Variants in BMAL1 observed in about 807,000 individuals in gnomAD.
BMAL1 encodes the protein basic helix-loop-helix ARNT like 1.
the BMAL1 span, among the ~76,000 whole-genome samples, chr11:13,294,505 C>T: frequency 9.2e-3 from 1,401 of 152,310 alleles, 23 homozygotes; most frequent in African/African-American, 0.031. Flanking sequence ...TTTTTCACAA[C>T]CTGGCTTGGA....
chr11:13,384,990 C>T, the BMAL1 span, among the ~76,000 whole-genome samples: 1 of 152,106 alleles, frequency 6.6e-6, no homozygotes, highest in Non-Finnish European at 1.5e-5. Flanking sequence ...AGTTATAATG[C>T]CACCTGCTGG....
the BMAL1 span, among the ~76,000 whole-genome samples, chr11:13,302,944 C>T: frequency 6.6e-6 from 1 of 152,164 alleles, no homozygotes; most frequent in African/African-American, 2.4e-5. Flanking sequence ...TGCCACTGAC[C>T]GTGCTTGGGG....
the BMAL1 span, among the ~76,000 whole-genome samples, chr11:13,310,747 T>C: frequency 2.0e-5 from 3 of 152,344 alleles, no homozygotes; most frequent in East Asian, 5.8e-4. Flanking sequence ...ACTCCTTTTC[T>C]AGACCCTAAA....
the BMAL1 span, chr11:13,366,824 C>G: frequency 2.0e-6 from 3 of 1,533,092 alleles, no homozygotes; most frequent in East Asian, 6.8e-5. Context: ...GCAGCCCACT[C>G]ACAGGCAGCC....
At chr11:13,284,156 ATATGTGTGTATATATATATATGTG>A in the BMAL1 span, among the ~76,000 whole-genome samples, 4 of 43,850 alleles carry the variant, frequency 9.1e-5, no homozygotes, top group Non-Finnish European at 1.8e-4. Flanking sequence ...GTATATATAT[ATATGTGTGTATATATATATATGTG>A]TATATATATA....
chr11:13,289,408 G>T, the BMAL1 span, among the ~76,000 whole-genome samples: 2,147 of 152,242 alleles, frequency 0.014, 31 homozygotes, highest in Non-Finnish European at 0.02. Context: ...TATACTTTAA[G>T]TTCTAGGGTA....
the BMAL1 span, among the ~76,000 whole-genome samples, chr11:13,340,326 C>T: frequency 3.9e-5 from 6 of 152,192 alleles, no homozygotes; most frequent in African/African-American, 1.2e-4. Context: ...TGCTGGGTTC[C>T]GCTTTTCCTC....
chr11:13,319,488 T>C, the BMAL1 span, among the ~76,000 whole-genome samples: 1 of 152,250 alleles, frequency 6.6e-6, no homozygotes, highest in Admixed American at 6.5e-5. Flanking sequence ...GCTTTGCTAA[T>C]CTAGTTTTTG....
chr11:13,363,162 A>ATATATATATG, the BMAL1 span, among the ~76,000 whole-genome samples: 2 of 121,934 alleles, frequency 1.6e-5, no homozygotes, highest in Non-Finnish European at 3.6e-5. Flanking sequence ...ATATATATAT[A>ATATATATATG]TATATGTAAA....
chr11:13,369,344 A>G, the BMAL1 span, among the ~76,000 whole-genome samples: 4 of 152,216 alleles, frequency 2.6e-5, no homozygotes, highest in African/African-American at 9.6e-5. Flanking sequence ...ATAAGCGTCT[A>G]TTGGGCAAGA....
the BMAL1 span, among the ~76,000 whole-genome samples, chr11:13,344,778 G>A: frequency 6.6e-6 from 1 of 152,188 alleles, no homozygotes; most frequent in Non-Finnish European, 1.5e-5. Flanking sequence ...GAACAGATCA[G>A]AGCATAAACA....
the BMAL1 span, among the ~76,000 whole-genome samples, chr11:13,345,484 C>T: frequency 0.88 from 134,102 of 152,214 alleles, 59,592 homozygotes; most frequent in Non-Finnish European, 0.95. Context: ...TGACCCAGGA[C>T]TTCTTTTTCT....
the BMAL1 span, chr11:13,356,375 TG>T: frequency 0.06 from 30,122 of 499,940 alleles, 1,753 homozygotes; most frequent in African/African-American, 0.2. Context: ...TCCAGAATGA[TG>T]GGGGGGGAGA....
chr11:13,384,910 G>A, the BMAL1 span, among the ~76,000 whole-genome samples: 19 of 152,198 alleles, frequency 1.2e-4, no homozygotes, highest in South Asian at 3.9e-3. Context: ...AAGTTCTTTG[G>A]AGTCCTCAAT....
At chr11:13,308,288 C>A in the BMAL1 span, among the ~76,000 whole-genome samples, 1 of 152,112 alleles carries the variant, frequency 6.6e-6, no homozygotes, top group Non-Finnish European at 1.5e-5. Flanking sequence ...TTTGAGACAC[C>A]CACCATGTCT....
the BMAL1 span, among the ~76,000 whole-genome samples, chr11:13,364,109 C>T: frequency 3.3e-5 from 5 of 152,248 alleles, no homozygotes; most frequent in Non-Finnish European, 1.5e-5. Flanking sequence ...GCCTCAAAAA[C>T]ACTTCCATGA....
chr11:13,284,261 TA>T, the BMAL1 span, among the ~76,000 whole-genome samples: 2 of 23,792 alleles, frequency 8.4e-5, 1 homozygote, highest in Admixed American at 6.5e-4. Flanking sequence ...TATATATATA[TA>T]TATATTTTTT....
the BMAL1 span, among the ~76,000 whole-genome samples, chr11:13,314,761 G>A: frequency 6.6e-6 from 1 of 152,140 alleles, no homozygotes; most frequent in East Asian, 1.9e-4. Flanking sequence ...AGCTGAGAAT[G>A]CTTTTCTTGA....
At chr11:13,326,325 A>G in the BMAL1 span, 1 of 152,080 alleles carries the variant, frequency 6.6e-6, no homozygotes, top group East Asian at 1.9e-4. Context: ...AGAATTCCTA[A>G]TCCTGCTTGT....
Sources: gnomAD v4.1 joint callset for allele counts (sites outside exome capture counted in the v4.1 genomes callset) on GRCh38, gnomAD v4.1.1 for gene constraint, MANE v1.5 for transcripts, NCBI Gene and HGNC (gene_info 2026-07-23, HGNC 2026-07-21) for gene names.